The following CDKL5 variants were observed in gnomAD, a reference collection of about 807,000 sequenced individuals.
CDKL5 encodes cyclin-dependent kinase-like 5.
A neutral mutation model predicts 61.7 loss-of-function variants in CDKL5; 8 were observed. The ratio of observed to expected loss-of-function variants is 0.13; its 90% confidence interval spans 0.08 to 0.23. The LOEUF (loss-of-function observed/expected upper bound fraction) is 0.23, where lower values mean the gene tolerates loss of function less well. Among genes scored for constraint, CDKL5 ranks in the 10% least tolerant of loss-of-function variants. The probability of loss-of-function intolerance (pLI) is 1.00; values close to 1 mark genes in which losing one functional copy is unlikely to be tolerated. For missense variants in CDKL5, 440 were observed against 734.5 expected (o/e 0.60, Z 4.63); for synonymous variants, 275 against 272.3 (o/e 1.01, Z -0.10).
intron 17 of CDKL5, among the ~76,000 whole-genome samples, chrX:18,626,473 C>G (rs953375912): frequency 9.1e-6 from 1 of 110,244 alleles, no homozygotes; most frequent in Admixed American, 9.7e-5. Flanking sequence ...CTGCTTCTAA[C>G]ATAATATAAG....
At chrX:18,568,832 C>T (rs753103573) in intron 4 of CDKL5, among the ~76,000 whole-genome samples, 1 of 109,849 alleles carries the variant, frequency 9.1e-6, no homozygotes, top group Non-Finnish European at 1.9e-5. Flanking sequence ...GTAGCTGGGA[C>T]TACAGGTGCG....
rs185513172 is a variant in CDKL5 at position 18,478,069 on chromosome X, T to C, written c.-162-28866T>C. 3.4e-4 allele frequency among the ~76,000 whole-genome samples: 38 copies of C among 111,413 alleles called. No individual in the cohort carries two copies. In the East Asian group the frequency reaches 6.8e-3, roughly 20 times the overall value. ...GTCACTTGTTTTCAGTATGTAAAACTTCCTTTAGTATTTTTTGTAAGTTGG... is the reference window on the plus strand; with the variant it reads ...GTCACTTGTTTTCAGTATGTAAAACCTCCTTTAGTATTTTTTGTAAGTTGG... On this transcript the variant is annotated intron_variant, in intron 1 of 17. Coordinates refer to ENST00000623535, the MANE Select transcript of CDKL5 (RefSeq NM_001323289.2).
chrX:18,508,426 G>A (rs749617083), intron 2 of CDKL5, among the ~76,000 whole-genome samples: 2 of 111,787 alleles, frequency 1.8e-5, no homozygotes, highest in South Asian at 7.4e-4. Context: ...TTTCTTCATC[G>A]ATGTTATGTA....
In CDKL5 at chrX:18,629,596, C is replaced by T; in HGVS notation, c.*839C>T. ...TCTACTAAAGGGAGTTGAATTGTGG[C>T]TACACGTGACTGTAACAGTATGAAC... On this transcript the variant is annotated 3_prime_UTR_variant, in exon 18 of 18. Coordinates refer to ENST00000623535, the MANE Select transcript of CDKL5 (RefSeq NM_001323289.2). 1 of 750,729 alleles carries T rather than the reference C, an allele frequency of 1.3e-6. No individual in the cohort carries two copies. The highest frequency in any genetic ancestry group is 1.6e-6 in the Non-Finnish European group (1 of 636,294). 61.9% of individuals were successfully genotyped at this position (750,729 alleles called of 1,213,427 possible). A position where few individuals can be genotyped will look rare whatever the true frequency, so the allele number is the denominator to read the frequency against.
chrX:18,460,264 G>A (rs1406635703), intron 1 of CDKL5, among the ~76,000 whole-genome samples: 2 of 110,834 alleles, frequency 1.8e-5, no homozygotes, highest in East Asian at 2.9e-4. Flanking sequence ...TGGAGGAAGC[G>A]GGGTGCCGTA....
At chrX:18,514,471 C>G (rs1301577524) in intron 3 of CDKL5, among the ~76,000 whole-genome samples, 1 of 110,949 alleles carries the variant, frequency 9.0e-6, no homozygotes, top group East Asian at 2.9e-4. Context: ...CCTTAGGAGG[C>G]CAAGGTGGGC....
At chrX:18,645,551 AATCT>A (rs758329309) in intron 19 of CDKL5, among the ~76,000 whole-genome samples, 22 of 107,659 alleles carry the variant, frequency 2.0e-4, no homozygotes, top group African/African-American at 7.2e-4. Context: ...TCCAGTGCCC[AATCT>A]ATCTATTGGC....
At position 18,456,554 on chromosome X, in the gene CDKL5, C is replaced by T. The variant is rs866186768; in HGVS notation, c.-163+30859C>T. On this transcript the variant is annotated intron_variant, in intron 1 of 17. Coordinates refer to ENST00000623535, the MANE Select transcript of CDKL5 (RefSeq NM_001323289.2). ...ATAATACATAGTTCTTGTCTGTGGACATGTATATTGTTGGTACAGTGGGAA... is the reference window on the plus strand; with the variant it reads ...ATAATACATAGTTCTTGTCTGTGGATATGTATATTGTTGGTACAGTGGGAA... 4.5e-5 allele frequency among the ~76,000 whole-genome samples: 5 copies of T among 111,974 alleles called. No homozygotes were observed. The Middle Eastern group carries it at 0.014, about 310-fold the overall frequency.
At chrX:18,522,836 G>C (rs1251216290) in intron 3 of CDKL5, among the ~76,000 whole-genome samples, 3 of 96,678 alleles carry the variant, frequency 3.1e-5, no homozygotes, top group Non-Finnish European at 6.2e-5. Flanking sequence ...CTGTCACCCA[G>C]GCTGGCTGTA....
At chrX:18,465,765 A>C (rs745760045) in intron 1 of CDKL5, among the ~76,000 whole-genome samples, 11 of 112,217 alleles carry the variant, frequency 9.8e-5, no homozygotes, top group Non-Finnish European at 1.5e-4. Context: ...ATCAATTTGG[A>C]TAGAATTGAC....
In CDKL5 at chrX:18,551,761, A is replaced by AGT. The variant is rs749241287; in HGVS notation, c.100-12704_100-12703dup. Among the ~76,000 whole-genome samples, 119 of 106,268 alleles carry AGT rather than the reference A, an allele frequency of 1.1e-3. 4 individuals carry two copies. The East Asian group carries it at 0.026, about 23-fold the overall frequency. The allele number at this position is 106,268 out of a possible 115,157, so 92.3% of individuals were successfully genotyped here. A position where few individuals can be genotyped will look rare whatever the true frequency, so the allele number is the denominator to read the frequency against. On this transcript the variant is annotated intron_variant, in intron 3 of 17. Coordinates refer to ENST00000623535, the MANE Select transcript of CDKL5 (RefSeq NM_001323289.2). ...CCACCACACCCAGCTAATCTTTTGT[A>AGT]GTGTGTGTGTGTGCAGAGACAGGGT...
intron 1 of CDKL5, among the ~76,000 whole-genome samples, chrX:18,460,825 A>G (rs1436648828): frequency 8.9e-6 from 1 of 111,861 alleles, no homozygotes; most frequent in Non-Finnish European, 1.9e-5. Context: ...TCCCTTATTA[A>G]GTGGGATTCA....
intron 3 of CDKL5, among the ~76,000 whole-genome samples, chrX:18,542,249 C>T (rs754794930): frequency 1.8e-5 from 2 of 111,450 alleles, no homozygotes; most frequent in East Asian, 5.7e-4. Flanking sequence ...CTTTGCTGAC[C>T]ACTGTGGCTG....
At chrX:18,509,646 G>C (rs948490355) in intron 2 of CDKL5, among the ~76,000 whole-genome samples, 2 of 111,489 alleles carry the variant, frequency 1.8e-5, no homozygotes, top group Non-Finnish European at 1.9e-5. Flanking sequence ...TGAGTACTTT[G>C]CTGTCAACTC....
intron 3 of CDKL5, among the ~76,000 whole-genome samples, chrX:18,541,535 G>A (rs993702462): frequency 2.7e-5 from 3 of 111,085 alleles, no homozygotes; most frequent in Non-Finnish European, 5.7e-5. Flanking sequence ...GTTGTTGTTC[G>A]TTTTTGTTTT....
At chrX:18,472,724 C>G (rs1921140266) in intron 1 of CDKL5, among the ~76,000 whole-genome samples, 1 of 109,919 alleles carries the variant, frequency 9.1e-6, no homozygotes, top group Non-Finnish European at 1.9e-5. Flanking sequence ...TGTTCTGGGT[C>G]TATACCTTCT....
chrX:18,534,877 T>G (rs1353947528), intron 3 of CDKL5, among the ~76,000 whole-genome samples: 4 of 112,364 alleles, frequency 3.6e-5, no homozygotes, highest in Non-Finnish European at 5.6e-5. Context: ...AACTTCTACC[T>G]GGTGTGAGCA....
At chrX:18,542,783 A>G (rs1473904729) in intron 3 of CDKL5, among the ~76,000 whole-genome samples, 5 of 109,274 alleles carry the variant, frequency 4.6e-5, no homozygotes, top group African/African-American at 1.0e-4. Context: ...TGTATATTCA[A>G]TTTCCCTCTT....
In CDKL5 at chrX:18,518,385, C is replaced by CTTTTTTTTTTTT. The variant is rs1195931109; in HGVS notation, c.99+7533_99+7534insTTTTTTTTTTTT. Among the ~76,000 whole-genome samples, 24 of 22,784 alleles carry CTTTTTTTTTTTT rather than the reference C, an allele frequency of 1.1e-3. 2 individuals carry two copies. Among genetic ancestry groups the CTTTTTTTTTTTT allele is most frequent in the African/African-American group, 2.6e-3 (17 of 6,582 alleles). The allele number at this position is 22,784 out of a possible 115,157, so 19.8% of individuals were successfully genotyped here. A position where few individuals can be genotyped will look rare whatever the true frequency, so the allele number is the denominator to read the frequency against. ...ATAAAGTCATGTTTTCTTTTCTTTT[C>CTTTTTTTTTTTT]TTATTTTTTTTTTTTTTTTTTTTTT... On this transcript the variant is annotated intron_variant, in intron 3 of 17. Coordinates refer to ENST00000623535, the MANE Select transcript of CDKL5 (RefSeq NM_001323289.2).
Sources: gnomAD v4.1 joint callset for allele counts (sites outside exome capture counted in the v4.1 genomes callset) on GRCh38, gnomAD v4.1.1 for gene constraint, MANE v1.5 for transcripts, NCBI Gene and HGNC (gene_info 2026-07-23, HGNC 2026-07-21) for gene names.